Variants in DCLRE1A observed in about 807,000 individuals in gnomAD.
DCLRE1A encodes DNA cross-link repair 1A protein.
DCLRE1A carries 64 observed loss-of-function variants against 91.9 expected under a neutral mutation model. The ratio of observed to expected loss-of-function variants is 0.70; its 90% CI spans 0.57 to 0.86. DCLRE1A has a LOEUF of 0.86. DCLRE1A is among the 40% of genes least tolerant of loss of function. The pLI is 0.00. For synonymous variants in DCLRE1A, 416 were observed against 431.1 expected (o/e 0.96, Z 0.43); for missense variants, 1,145 against 1,213.3 (o/e 0.94, Z 0.84).
At chr10:113,842,513 A>G (rs1376374484) in intron 5 of DCLRE1A, 25 bp from the exon 6 acceptor site, 2 of 1,599,196 alleles carry the variant, frequency 1.3e-6, no homozygotes, top group Non-Finnish European at 1.7e-6. Context: ...CATGGTACTT[A>G]CTAAAAGAAC....
chr10:113,839,312 G>A (rs1319154845), intron 7 of DCLRE1A, among the ~76,000 whole-genome samples: 2 of 114,810 alleles, frequency 1.7e-5, no homozygotes, highest in African/African-American at 3.4e-5. Context: ...TGGACAGAGC[G>A]AGACCCTGTC....
chr10:113,839,057 G>A (rs1041845470), intron 7 of DCLRE1A, among the ~76,000 whole-genome samples: 2 of 152,078 alleles, frequency 1.3e-5, no homozygotes, highest in Admixed American at 6.5e-5. Flanking sequence ...CGGGCGTGGT[G>A]GCTCACGCAT....
At chr10:113,848,850 G>T in intron 2 of DCLRE1A, 130 bp downstream of exon 2, 1 of 858,560 alleles carries the variant, frequency 1.2e-6, no homozygotes, top group Non-Finnish European at 1.8e-6. Flanking sequence ...GGCTCATGAA[G>T]TATCACAAAA....
At position 113,849,907 on chromosome 10, in the gene DCLRE1A, G is replaced by C. The variant is rs1243120543; in HGVS notation, c.1198C>G (p.Leu400Val). Residue 400 changes from leucine (L) to valine (V), a missense_variant, in exon 2 of 9, where the codon CTG (leucine) becomes GTG (valine). Transcript: ENST00000361384. The part of the protein sequence containing the change: ...QNNESTLPYD[L>V]ACTGGDFVLF... ...ACAAAATCACCACCAGTACATGCCA[G>C]ATCATAAGGCAAAGTACTCTCATTA... 1 of 1,613,862 alleles carries C rather than the reference G, an allele frequency of 6.2e-7. No homozygotes were observed. Among genetic ancestry groups the C allele is most frequent in the African/African-American group, 1.3e-5 (1 of 75,038 alleles).
At chr10:113,836,935 G>T in intron 8 of DCLRE1A, 127 bp downstream of exon 8, 2 of 819,866 alleles carry the variant, frequency 2.4e-6, no homozygotes, top group Non-Finnish European at 3.7e-6. Context: ...GTTGTAGAGA[G>T]ATGAAAACTC....
In DCLRE1A at chr10:113,849,238, A is replaced by G. The variant is rs150640935; in HGVS notation, c.1867T>C (p.Ser623Pro). ...GACCTCTCACTAGAAAGTTCCACAG[A>G]AAGCTGACTCTCATGTAAAGTACTT... ...DASTLHESQLSVELSSERSQR... is the reference protein window; with the variant it reads ...DASTLHESQLPVELSSERSQR... The change falls in exon 2 of 9, where the codon TCT (serine) becomes CCT (proline). Residue 623 changes from serine to proline, a missense_variant. Coordinates refer to ENST00000361384, the MANE Select transcript of DCLRE1A (RefSeq NM_014881.5). 1,499 of 1,614,134 alleles carry G rather than the reference A, an allele frequency of 9.3e-4. 1 individual carries two copies. The highest frequency in any genetic ancestry group is 1.2e-3 in the Non-Finnish European group (1,409 of 1,180,008).
At chr10:113,847,672 T>C (rs1198620595) in intron 2 of DCLRE1A, among the ~76,000 whole-genome samples, 2 of 152,236 alleles carry the variant, frequency 1.3e-5, no homozygotes, top group African/African-American at 4.8e-5. Context: ...AAAAGGAGAA[T>C]GCTAACTTTC....
chr10:113,845,793 T>C lies in DCLRE1A; in HGVS notation c.2270A>G (p.Asn757Ser). 1 of 1,614,062 alleles carries C rather than the reference T, an allele frequency of 6.2e-7. No homozygotes were observed. The highest frequency in any genetic ancestry group is 8.5e-7 in the Non-Finnish European group (1 of 1,179,942). ...CACATGAAGCTTGTTCTTCAACAAA[T>C]TGCCAGTTATCTGCAAAACAGGACG... The part of the protein sequence containing the change: ...FPVYCSEITG[N>S]LLKNKLHVQE... The change falls in exon 4 of 9, where the codon AAT (asparagine) becomes AGT (serine). Residue 757 changes from asparagine to serine, a missense_variant. Coordinates refer to ENST00000361384, the MANE Select transcript of DCLRE1A (RefSeq NM_014881.5).
chr10:113,849,544 A>C lies in DCLRE1A; in HGVS notation c.1561T>G (p.Leu521Val). The stretch of plus-strand genomic sequence containing the variant: ...GTACTAGACAAGTTTTCTGTATTTA[A>C]AATTGTAGCTTTACCAACTGGCACA... ...EGVPVGKATI[L>V]NTENLSSTPA... is the part of the protein sequence containing the mutation. Residue 521 changes from leucine to valine, a missense_variant, in exon 2 of 9, where the codon TTA becomes GTA. Coordinates refer to ENST00000361384, the MANE Select transcript of DCLRE1A (RefSeq NM_014881.5). The C allele has an allele frequency of 6.2e-7, 1 of 1,613,784 alleles. No individual in the cohort carries two copies. Among genetic ancestry groups the C allele is most frequent in the Non-Finnish European group, 8.5e-7 (1 of 1,180,002 alleles).
Position 113,853,892 on chromosome 10 carries a change from T to G in DCLRE1A, c.-710A>C, listed in dbSNP as rs192515817. On this transcript the variant is annotated 5_prime_UTR_variant, in exon 1 of 9. Transcript: ENST00000361384. ...AGTTGATATGTGAAAAAAGTTCAAATATGTGAAAGAGTGGGCTTGTATTGA... is the reference window on the plus strand; with the variant it reads ...AGTTGATATGTGAAAAAAGTTCAAAGATGTGAAAGAGTGGGCTTGTATTGA... 2 of 152,174 alleles carry G rather than the reference T, an allele frequency of 1.3e-5. No individual in the cohort carries two copies. The highest frequency in any genetic ancestry group is 2.9e-5 in the Non-Finnish European group (2 of 68,058). 9.4% of individuals were successfully genotyped at this position (152,174 alleles called of 1,614,324 possible).
Position 113,847,331 on chromosome 10 carries a change from G to A in DCLRE1A, c.2130C>T (p.Thr710=), listed in dbSNP as rs182063175. 19 of 1,613,138 alleles carry A rather than the reference G, an allele frequency of 1.2e-5. No homozygotes were observed. The highest frequency in any genetic ancestry group is 6.7e-5 in the East Asian group (3 of 44,852). Residue 710 remains threonine (T), a synonymous_variant, in exon 3 of 9, where the codon ACC becomes ACT. Transcript: ENST00000361384. The part of the protein sequence containing the change: ...TCPFYKKIPG[T]GFTVDAFQYG... ...ACTGAAAGGCATCAACTGTAAAGCC[G>A]GTTCCTGCAATAAAAATACCGACAC...
At chr10:113,839,951 A>C (rs1229396353) in intron 7 of DCLRE1A, among the ~76,000 whole-genome samples, 1 of 152,162 alleles carries the variant, frequency 6.6e-6, no homozygotes, top group Non-Finnish European at 1.5e-5. Context: ...AATCATTCAA[A>C]ATCAACATTC....
At position 113,835,455 on chromosome 10, in the gene DCLRE1A, A is replaced by T. The variant is rs181443236; in HGVS notation, c.2963-143T>A. 14 of 743,850 alleles carry T rather than the reference A, an allele frequency of 1.9e-5. No individual in the cohort carries two copies. The African/African-American group carries it at 2.5e-4, about 13-fold the overall frequency. 46.1% of individuals were successfully genotyped at this position (743,850 alleles called of 1,614,324 possible). A position where few individuals can be genotyped will look rare whatever the true frequency, so the allele number is the denominator to read the frequency against. On this transcript the variant is annotated intron_variant, in intron 8 of 8. Coordinates refer to ENST00000361384, the MANE Select transcript of DCLRE1A (RefSeq NM_014881.5). ...AAACCCCTCAGTGCTTTAGTTCTGA[A>T]AAGAAAACTTGTTGATATCTTTTAT...
rs761709064 is a variant in DCLRE1A at position 113,844,104 on chromosome 10, G to A, written c.2519C>T (p.Thr840Ile). The A allele has an allele frequency of 6.8e-6, 11 of 1,613,932 alleles. No homozygotes were observed. The highest frequency in any genetic ancestry group is 1.3e-5 in the African/African-American group (1 of 74,904). Residue 840 changes from threonine (T) to isoleucine (I), a missense_variant and splice_region_variant, in exon 5 of 9, where the codon ACA (threonine) becomes ATA (isoleucine). Coordinates refer to ENST00000361384, the MANE Select transcript of DCLRE1A (RefSeq NM_014881.5). ...AACACACAAAAAAAGCCTCTCTTAC[G>A]TGGTATCTAAGTACAGCATATGGAC... is the stretch of plus-strand genomic sequence containing the variant. ...QKVHMLYLDTTYCSPEYTFPS... is the reference protein window; with the variant it reads ...QKVHMLYLDTIYCSPEYTFPS...
Position 113,849,510 on chromosome 10 carries a change from G to A in DCLRE1A, c.1595C>T (p.Pro532Leu), listed in dbSNP as rs200449329. 9.7e-5 allele frequency: 157 copies of A among 1,613,704 alleles called. No individual in the cohort carries two copies. Among genetic ancestry groups the A allele is most frequent in the Admixed American group, 2.2e-4 (13 of 59,994 alleles). The change falls in exon 2 of 9, where the codon CCG becomes CTG. Residue 532 changes from proline (P) to leucine (L), a missense_variant. Transcript: ENST00000361384. ...NTENLSSTPA[P>L]KYLKILPSGL... ...AGAAGGCAATATTTTCAAATACTTC[G>A]GAGCAGGTGTACTAGACAAGTTTTC...
intron 5 of DCLRE1A, 111 bp downstream of exon 5, chr10:113,843,993 T>C (rs894444309): frequency 4.2e-6 from 6 of 1,442,480 alleles, no homozygotes; most frequent in Non-Finnish European, 5.6e-6. Flanking sequence ...ATCCCTCTGA[T>C]AAAGAGCCTT....
intron 3 of DCLRE1A, 91 bp downstream of exon 3, chr10:113,847,111 G>T (rs747497039): frequency 2.4e-6 from 3 of 1,224,870 alleles, no homozygotes; most frequent in Non-Finnish European, 3.3e-6. Context: ...TAGAATGAAA[G>T]ATCTTACTGG....
chr10:113,853,143 T>G lies in DCLRE1A; in HGVS notation c.40A>C (p.Lys14Gln). 6.3e-7 allele frequency: 1 copy of G among 1,589,212 alleles called. No individual in the cohort carries two copies. The highest frequency in any genetic ancestry group is 8.5e-7 in the Non-Finnish European group (1 of 1,173,160). The change falls in exon 1 of 9, where the codon AAA (lysine) becomes CAA (glutamine). Residue 14 changes from lysine (K) to glutamine (Q), a missense_variant. Coordinates refer to ENST00000361384, the MANE Select transcript of DCLRE1A (RefSeq NM_014881.5). ...ACTCGTTTTGGTTTTCTTTTAGATTTGTATTCCCAAATGTCTTCTTCGGAA... is the reference window on the plus strand; with the variant it reads ...ACTCGTTTTGGTTTTCTTTTAGATTGGTATTCCCAAATGTCTTCTTCGGAA... ...DISEEDIWEY[K>Q]SKRKPKRVDP...
At position 113,834,959 on chromosome 10, in the gene DCLRE1A, C is replaced by G; in HGVS notation, c.*193G>C. On this transcript the variant is annotated 3_prime_UTR_variant, in exon 9 of 9. Transcript: ENST00000361384. ...TAAGGGTCCCAGGGAGACCCAGTTT[C>G]AGTTATCCTTGATGATGCTGAGAGG... The G allele has an allele frequency of 1.8e-6, 1 of 550,578 alleles. No individual in the cohort carries two copies. The highest frequency in any genetic ancestry group is 3.1e-6 in the Non-Finnish European group (1 of 327,302). 34.1% of individuals were successfully genotyped at this position (550,578 alleles called of 1,614,324 possible). A position where few individuals can be genotyped will look rare whatever the true frequency, so the allele number is the denominator to read the frequency against.
Sources: allele counts gnomAD v4.1 joint callset (sites outside exome capture counted in the v4.1 genomes callset), GRCh38; gene constraint gnomAD v4.1.1; transcripts MANE v1.5; gene names NCBI Gene and HGNC (gene_info 2026-07-23, HGNC 2026-07-21).